Variants in CNTNAP2 observed in about 807,000 individuals in gnomAD.
CNTNAP2 encodes contactin-associated protein-like 2.
In CNTNAP2, 98 loss-of-function variants were observed where a neutral mutation model predicts 155.2. The ratio of observed to expected loss-of-function variants is 0.63; its 90% CI spans 0.54 to 0.75. CNTNAP2 has a LOEUF of 0.75. Among genes scored for constraint, CNTNAP2 ranks in the 30% least tolerant of loss-of-function variants. CNTNAP2 has a pLI of 0.00. For synonymous variants in CNTNAP2, 651 were observed against 631.2 expected (o/e 1.03, Z -0.47); for missense variants, 1,727 against 1,688.1 (o/e 1.02, Z -0.40).
At chr7:148,234,653 G>A (rs894997859) in intron 20 of CNTNAP2, among the ~76,000 whole-genome samples, 1 of 152,218 alleles carries the variant, frequency 6.6e-6, no homozygotes, top group African/African-American at 2.4e-5. Flanking sequence ...GCCCAAACAA[G>A]TCTGTAGAGA....
chr7:147,277,745 T>A (rs1195879470), intron 8 of CNTNAP2, among the ~76,000 whole-genome samples: 1 of 151,474 alleles, frequency 6.6e-6, no homozygotes, highest in South Asian at 2.1e-4. Context: ...CTTCCGTCTA[T>A]AAAGTTCTTA....
intron 1 of CNTNAP2, among the ~76,000 whole-genome samples, chr7:146,516,296 A>C (rs1226217066): frequency 6.6e-6 from 1 of 152,062 alleles, no homozygotes; most frequent in Non-Finnish European, 1.5e-5. Flanking sequence ...AAGAAAGAGA[A>C]ATTTATCTAT....
chr7:147,700,006 A>G (rs925182478), intron 13 of CNTNAP2, among the ~76,000 whole-genome samples: 2 of 152,102 alleles, frequency 1.3e-5, no homozygotes, highest in African/African-American at 4.8e-5. Flanking sequence ...ACTCTTCTTA[A>G]TGGCTTTTCA....
chr7:147,794,490 C>T (rs1343191876), intron 13 of CNTNAP2, among the ~76,000 whole-genome samples: 5 of 151,880 alleles, frequency 3.3e-5, no homozygotes, highest in Admixed American at 6.6e-5. Context: ...CTTATACATT[C>T]ATTTTATTCA....
intron 10 of CNTNAP2, among the ~76,000 whole-genome samples, chr7:147,473,584 C>T (rs1438115569): frequency 2.6e-5 from 4 of 151,876 alleles, no homozygotes; most frequent in East Asian, 1.9e-4. Context: ...TTTAATAATA[C>T]GAAAGGGAAT....
rs938308025 is a variant in CNTNAP2, at chr7:147,904,334, C to T, written c.2255+613C>T. Among the ~76,000 whole-genome samples the T allele has an allele frequency of 4.6e-5, 7 of 152,244 alleles. No individual in the cohort carries two copies. In the South Asian group the frequency reaches 1.0e-3, roughly 23 times the overall value. On this transcript the variant is annotated intron_variant, in intron 14 of 23. Transcript: ENST00000361727. Reference sequence around the variant, plus strand: ...GATCCCTTTGCTGGCTTTTGTTCTGCCCCGCAGTGAATAGCTGGGTCTGTG... The same window carrying T: ...GATCCCTTTGCTGGCTTTTGTTCTGTCCCGCAGTGAATAGCTGGGTCTGTG...
chr7:147,422,842 C>A (rs1162014408), intron 10 of CNTNAP2, among the ~76,000 whole-genome samples: 1 of 152,148 alleles, frequency 6.6e-6, no homozygotes, highest in East Asian at 1.9e-4. Context: ...TATTTTTAAG[C>A]TCACAAAATA....
At chr7:146,165,597 T>G (rs890492201) in intron 1 of CNTNAP2, among the ~76,000 whole-genome samples, 2 of 152,218 alleles carry the variant, frequency 1.3e-5, no homozygotes, top group Non-Finnish European at 2.9e-5. Context: ...CAGTAATGTT[T>G]AAATTGCACT....
chr7:147,628,221 G>C, intron 12 of CNTNAP2, among the ~76,000 whole-genome samples: 1 of 152,130 alleles, frequency 6.6e-6, no homozygotes, highest in Non-Finnish European at 1.5e-5. Context: ...AATCTTAAGA[G>C]CTGTGGGACA....
chr7:146,122,432 G>T (rs943499285), intron 1 of CNTNAP2, among the ~76,000 whole-genome samples: 5 of 152,146 alleles, frequency 3.3e-5, no homozygotes, highest in African/African-American at 1.2e-4. Context: ...CTCTCTGTGA[G>T]TTATTTTCTA....
At chr7:146,525,224 T>G (rs1797671310) in intron 1 of CNTNAP2, among the ~76,000 whole-genome samples, 1 of 152,108 alleles carries the variant, frequency 6.6e-6, no homozygotes, top group Non-Finnish European at 1.5e-5. Context: ...AAGCTCCTGG[T>G]TCTCACTTAA....
intron 1 of CNTNAP2, among the ~76,000 whole-genome samples, chr7:146,739,427 G>A (rs964411938): frequency 3.9e-5 from 6 of 151,918 alleles, no homozygotes; most frequent in Non-Finnish European, 5.9e-5. Context: ...TCAGAAGCAC[G>A]TTCTTTAATT....
intron 4 of CNTNAP2, among the ~76,000 whole-genome samples, chr7:147,084,738 T>C (rs1199976518): frequency 6.8e-6 from 1 of 147,872 alleles, no homozygotes; most frequent in East Asian, 2.0e-4. Flanking sequence ...GATAATTATA[T>C]ATAATGTATA....
chr7:146,405,379 G>A (rs982733438), intron 1 of CNTNAP2, among the ~76,000 whole-genome samples: 8 of 152,174 alleles, frequency 5.3e-5, no homozygotes, highest in South Asian at 2.1e-4. Flanking sequence ...GCTCAGCAAC[G>A]TTGATACCTA....
chr7:146,566,793 C>G (rs1798364427), intron 1 of CNTNAP2, among the ~76,000 whole-genome samples: 1 of 151,774 alleles, frequency 6.6e-6, no homozygotes. Context: ...GGATTATAAC[C>G]CTTCCTCCTG....
At chr7:146,604,681 C>A (rs1246113418) in intron 1 of CNTNAP2, among the ~76,000 whole-genome samples, 1 of 127,506 alleles carries the variant, frequency 7.8e-6, no homozygotes, top group East Asian at 2.2e-4. Flanking sequence ...ACCCAAATGT[C>A]CAACAATGAT....
chr7:146,555,954 G>T (rs992841616), intron 1 of CNTNAP2, among the ~76,000 whole-genome samples: 4 of 152,118 alleles, frequency 2.6e-5, no homozygotes, highest in Non-Finnish European at 4.4e-5. Flanking sequence ...TCAGTGCCTA[G>T]CATACAATCC....
chr7:147,800,828 G>T (rs1057478581), intron 13 of CNTNAP2, among the ~76,000 whole-genome samples: 7 of 152,224 alleles, frequency 4.6e-5, no homozygotes, highest in South Asian at 4.1e-4. Context: ...CTTTTTCTAT[G>T]TTTAGATATA....
intron 3 of CNTNAP2, among the ~76,000 whole-genome samples, chr7:146,876,321 C>A (rs1014069092): frequency 9.9e-5 from 15 of 151,954 alleles, no homozygotes; most frequent in Non-Finnish European, 2.2e-4. Context: ...TGTTCTTTTT[C>A]CTTCTGTGAA....
Sources: allele counts gnomAD v4.1 joint callset (sites outside exome capture counted in the v4.1 genomes callset), GRCh38; gene constraint gnomAD v4.1.1; transcripts MANE v1.5; gene names NCBI Gene and HGNC (gene_info 2026-07-23, HGNC 2026-07-21).